The following PHF14 variants were observed in gnomAD, a reference collection of about 807,000 sequenced individuals.
The protein encoded by PHF14 is PHD finger protein 14.
A neutral mutation model predicts 117.9 loss-of-function variants in PHF14; 55 were observed. The ratio of observed to expected loss-of-function variants is 0.47; its 90% CI spans 0.38 to 0.58. The LOEUF is 0.58. Ranked by LOEUF, PHF14 falls within the 20% of genes least tolerant of loss-of-function variation. The pLI, the probability that PHF14 is intolerant of heterozygous loss-of-function variation, is 0.00. For synonymous variants in PHF14, 409 were observed against 368.6 expected (o/e 1.11, Z -1.26); for missense variants, 978 against 1,122.2 (o/e 0.87, Z 1.84).
chr7:10,990,874 T>C (rs1484655112), intron 4 of PHF14, 27 bp downstream of exon 4: 28 of 1,524,730 alleles, frequency 1.8e-5, no homozygotes, highest in Non-Finnish European at 2.3e-5. Context: ...TTCTCTCTTT[T>C]TAGAAATGGC....
chr7:11,097,261 G>A (rs748726483), intron 16 of PHF14, among the ~76,000 whole-genome samples: 1 of 152,068 alleles, frequency 6.6e-6, no homozygotes, highest in Non-Finnish European at 1.5e-5. Flanking sequence ...TTACAGGCGC[G>A]AGCCACCGTG....
intron 16 of PHF14, chr7:11,063,731 C>T: frequency 1.2e-6 from 1 of 858,580 alleles, no homozygotes; most frequent in Non-Finnish European, 1.4e-6. Flanking sequence ...TTTTAAAAAT[C>T]AGTTTATGAT....
intron 17 of PHF14, among the ~76,000 whole-genome samples, chr7:11,164,604 T>G (rs1789146335): frequency 1.3e-5 from 2 of 152,260 alleles, no homozygotes; most frequent in South Asian, 4.1e-4. Context: ...GTAGCCATTT[T>G]TATTTTCTGT....
At chr7:11,129,548 CTTTTTTT>C (rs71023891) in intron 17 of PHF14, among the ~76,000 whole-genome samples, 14 of 133,458 alleles carry the variant, frequency 1.0e-4, no homozygotes, top group Admixed American at 5.1e-4. Context: ...GTGTATGTTT[CTTTTTTT>C]TTTTTTTTTT....
At chr7:11,103,165 A>C in intron 16 of PHF14, 3 of 978,344 alleles carry the variant, frequency 3.1e-6, no homozygotes, top group Non-Finnish European at 3.6e-6. Context: ...TCTATTTTTG[A>C]CTTATTAGTC....
intron 17 of PHF14, among the ~76,000 whole-genome samples, chr7:11,128,583 G>A (rs1014446936): frequency 3.3e-5 from 5 of 151,694 alleles, no homozygotes; most frequent in African/African-American, 1.2e-4. Flanking sequence ...AAAGTAAGGC[G>A]CTTTCCATTG....
intron 17 of PHF14, among the ~76,000 whole-genome samples, chr7:11,127,332 C>A (rs891618971): frequency 1.3e-5 from 2 of 151,300 alleles, no homozygotes; most frequent in Non-Finnish European, 2.9e-5. Context: ...TTGTGACTTC[C>A]TTTTCAGAAC....
At chr7:11,019,075 C>T (rs1636754) in intron 5 of PHF14, among the ~76,000 whole-genome samples, 64,182 of 151,948 alleles carry the variant, frequency 0.42, 15,258 homozygotes, top group Non-Finnish European at 0.53. Flanking sequence ...TGCTTGCAAC[C>T]CAGGGATAAA....
At chr7:11,056,518 A>G (rs920891481) in intron 14 of PHF14, among the ~76,000 whole-genome samples, 14 of 152,114 alleles carry the variant, frequency 9.2e-5, no homozygotes, top group Admixed American at 2.0e-4. Flanking sequence ...TCTACAGTCA[A>G]TTGACCAAAG....
At chr7:11,014,524 A>G (rs1416250593) in intron 5 of PHF14, among the ~76,000 whole-genome samples, 1 of 152,110 alleles carries the variant, frequency 6.6e-6, no homozygotes, top group Middle Eastern at 3.2e-3. Flanking sequence ...CTGTGTTGAG[A>G]GGGCCATGGA....
intron 17 of PHF14, among the ~76,000 whole-genome samples, chr7:11,145,090 G>A (rs879297343): frequency 3.0e-4 from 46 of 151,842 alleles, no homozygotes; most frequent in Admixed American, 3.0e-3. Context: ...AAATGGTTAA[G>A]ATGGTAATTT....
intron 8 of PHF14, among the ~76,000 whole-genome samples, chr7:11,036,010 TG>T (rs1220409936): frequency 1.3e-5 from 2 of 152,196 alleles, no homozygotes; most frequent in Admixed American, 1.3e-4. Context: ...ATTTTCACAT[TG>T]AAAAATGTGA....
intron 16 of PHF14, chr7:11,063,775 T>TA (rs1306579369): frequency 4.8e-5 from 33 of 685,448 alleles, no homozygotes; most frequent in Admixed American, 1.3e-4. Context: ...AGTCGTTTAA[T>TA]AAAAAAAGTG....
At chr7:10,982,267 C>A in intron 2 of PHF14, 105 bp from the exon 3 acceptor site, 1 of 663,606 alleles carries the variant, frequency 1.5e-6, no homozygotes, top group Non-Finnish European at 2.5e-6. Flanking sequence ...TATTGTTTTG[C>A]AAGTTATTCA....
intron 14 of PHF14, among the ~76,000 whole-genome samples, chr7:11,053,574 T>C (rs1401346788): frequency 6.6e-6 from 1 of 152,104 alleles, no homozygotes. Context: ...CGTATGTCTG[T>C]CTACAAAGAT....
At chr7:11,101,950 T>G (rs1243294353) in intron 16 of PHF14, among the ~76,000 whole-genome samples, 1 of 151,826 alleles carries the variant, frequency 6.6e-6, no homozygotes. Context: ...TATAGTCTTT[T>G]TAAAAGAAAG....
chr7:11,111,548 A>G (rs1207208486), intron 17 of PHF14, 81 bp downstream of exon 17: 4 of 684,604 alleles, frequency 5.8e-6, no homozygotes, highest in Non-Finnish European at 1.0e-5. Flanking sequence ...TAGCTTCTTT[A>G]AAGATAATTG....
At chr7:11,084,497 T>G in intron 16 of PHF14, among the ~76,000 whole-genome samples, 1 of 40,756 alleles carries the variant, frequency 2.5e-5, no homozygotes, top group African/African-American at 1.1e-4. Flanking sequence ...ACTCTTGTGT[T>G]TTTTTTTTTT....
chr7:11,006,858 T>C, intron 4 of PHF14: 1 of 630,814 alleles, frequency 1.6e-6, no homozygotes, highest in Non-Finnish European at 3.0e-6. Context: ...TCCTTCACTT[T>C]CGGCACTGTC....
Sources: allele counts gnomAD v4.1 joint callset (sites outside exome capture counted in the v4.1 genomes callset), GRCh38; gene constraint gnomAD v4.1.1; transcripts MANE v1.5; gene names NCBI Gene and HGNC (gene_info 2026-07-23, HGNC 2026-07-21).